MCM5: variants seen among roughly 807,000 people sequenced by gnomAD.
MCM5 encodes the protein minichromosome maintenance complex component 5, also known as DNA replication licensing factor MCM5.
MCM5 carries 46 observed loss-of-function variants against 79.9 expected under a neutral mutation model. The ratio of observed to expected loss-of-function variants is 0.58; its 90% confidence interval spans 0.45 to 0.74. The LOEUF (loss-of-function observed/expected upper bound fraction) is 0.74, where lower values mean the gene tolerates loss of function less well. Ranked by LOEUF, MCM5 falls within the 30% of genes least tolerant of loss-of-function variation. The pLI is 0.00. For synonymous variants in MCM5, 404 were observed against 390.5 expected, an observed-to-expected ratio of 1.03 and a Z score of -0.41; for missense variants, 883 against 1,017.0, an observed-to-expected ratio of 0.87 and a Z score of 1.79.
At position 35,424,350 on chromosome 22, in the gene MCM5, C is replaced by A; in HGVS notation, c.*95C>A. 2 of 885,598 alleles carry A rather than the reference C, an allele frequency of 2.3e-6. No homozygotes were observed. Among genetic ancestry groups the A allele is most frequent in the South Asian group, 1.7e-5 (1 of 58,336 alleles). The allele number at this position is 885,598 out of a possible 1,614,324, so 54.9% of individuals were successfully genotyped here. A position where few individuals can be genotyped will look rare whatever the true frequency, so the allele number is the denominator to read the frequency against. ...AATGTTGCTGGGACCTCTGCCTCCC[C>A]ACTGCAGCCCTCGAACTTCCCAGGC... is the stretch of plus-strand genomic sequence containing the variant. On this transcript the variant is annotated 3_prime_UTR_variant, in exon 17 of 17. Transcript: ENST00000216122.
chr22:35,404,235 C>G (rs1247615026), intron 4 of MCM5, among the ~76,000 whole-genome samples: 1 of 152,204 alleles, frequency 6.6e-6, no homozygotes, highest in Non-Finnish European at 1.5e-5. Flanking sequence ...AATATACAGT[C>G]TAGATTCAGA....
the MCM5 span, among the ~76,000 whole-genome samples, chr22:35,442,894 G>A: frequency 6.6e-6 from 1 of 152,226 alleles, no homozygotes; most frequent in Admixed American, 6.5e-5. Context: ...GTTTGCCATG[G>A]AAACATTGGA....
At position 35,424,216 on chromosome 22, in the gene MCM5, G is replaced by A; in HGVS notation, c.2166G>A (p.Gln722=). The change falls in exon 17 of 17, where the codon CAG becomes CAA. Residue 722 remains glutamine (Q), a synonymous_variant. Transcript: ENST00000216122. ...TCATGCTGCGGCGCGGCGAGATCCA[G>A]CATCGCATGCAGCGCAAGGTTCTCT... ...LQLMLRRGEI[Q]HRMQRKVLYR... 1 of 1,553,048 alleles carries A rather than the reference G, an allele frequency of 6.4e-7. No homozygotes were observed. Among genetic ancestry groups the A allele is most frequent in the Admixed American group, 2.0e-5 (1 of 51,210 alleles).
intron 4 of MCM5, among the ~76,000 whole-genome samples, chr22:35,405,829 G>C (rs1225912127): frequency 6.6e-6 from 1 of 151,850 alleles, no homozygotes; most frequent in African/African-American, 2.4e-5. Flanking sequence ...GGCCAACATA[G>C]TGAAACCCCG....
At chr22:35,439,659 AC>A in the MCM5 span, among the ~76,000 whole-genome samples, 1 of 151,968 alleles carries the variant, frequency 6.6e-6, no homozygotes, top group Non-Finnish European at 1.5e-5. Context: ...CACTCCTTCC[AC>A]CCCCACTCTG....
downstream of MCM5, among the ~76,000 whole-genome samples, chr22:35,429,585 A>G (rs934793012): frequency 1.3e-5 from 2 of 150,930 alleles, no homozygotes; most frequent in African/African-American, 4.9e-5. Context: ...CCCAGGCTGG[A>G]GTGCAGTGGC....
At chr22:35,447,252 T>TA in the MCM5 span, among the ~76,000 whole-genome samples, 1 of 152,040 alleles carries the variant, frequency 6.6e-6, no homozygotes, top group Non-Finnish European at 1.5e-5. Flanking sequence ...ATGGGAGTGT[T>TA]ACTCTCTGCG....
At chr22:35,443,405 T>G in the MCM5 span, among the ~76,000 whole-genome samples, 1 of 152,200 alleles carries the variant, frequency 6.6e-6, no homozygotes. Context: ...GCCAGGCTGG[T>G]CTCAAACTCC....
In MCM5 at chr22:35,416,688, C is replaced by T. The variant is rs751465449; in HGVS notation, c.1464C>T (p.Ala488=). 1.9e-6 allele frequency: 3 copies of T among 1,614,148 alleles called. No individual in the cohort carries two copies. Among genetic ancestry groups the T allele is most frequent in the South Asian group, 1.1e-5 (1 of 91,076 alleles). ...LNSRCSVLAA[A]NSVFGRWDET... is the part of the protein sequence containing the mutation. ...CCCGCTGCTCCGTCCTGGCTGCTGCCAACTCAGTGTTCGGCCGCTGGGATG... is the reference window on the plus strand; with the variant it reads ...CCCGCTGCTCCGTCCTGGCTGCTGCTAACTCAGTGTTCGGCCGCTGGGATG... The change falls in exon 12 of 17, where the codon GCC becomes GCT. Residue 488 remains alanine (A), a synonymous_variant. Coordinates refer to ENST00000216122, the MANE Select transcript of MCM5 (RefSeq NM_006739.4).
chr22:35,453,819 T>TATATATATAG, the MCM5 span, among the ~76,000 whole-genome samples: 501 of 81,474 alleles, frequency 6.1e-3, 2 homozygotes, highest in East Asian at 0.012. Flanking sequence ...TATATATATA[T>TATATATATAG]AGAGAGAGAG....
At chr22:35,429,285 C>G (rs918004428), downstream of MCM5, among the ~76,000 whole-genome samples, 2 of 51,330 alleles carry the variant, frequency 3.9e-5, no homozygotes, top group East Asian at 2.7e-4. Flanking sequence ...CGTGCCCGGC[C>G]AAATCTTTTT....
chr22:35,419,198 C>T (rs1932628590), intron 13 of MCM5, among the ~76,000 whole-genome samples: 1 of 152,202 alleles, frequency 6.6e-6, no homozygotes, highest in African/African-American at 2.4e-5. Context: ...AATCTTCCCT[C>T]TGCACTAAGT....
intron 8 of MCM5, 139 bp downstream of exon 8, chr22:35,412,820 C>T (rs1413402556): frequency 4.1e-6 from 3 of 738,016 alleles, no homozygotes; most frequent in Non-Finnish European, 5.7e-6. Flanking sequence ...CTTTGCCAGC[C>T]CCCAAGCTTG....
downstream of MCM5, chr22:35,425,512 T>C (rs1240650206): frequency 6.6e-6 from 1 of 152,202 alleles, no homozygotes; most frequent in African/African-American, 2.4e-5. Flanking sequence ...GATTCCATAC[T>C]GTTCGGGGAA....
At chr22:35,401,764 G>A (rs1412331728) in intron 2 of MCM5, 15 of 464,882 alleles carry the variant, frequency 3.2e-5, no homozygotes, top group South Asian at 1.9e-4. Flanking sequence ...GGAGTGAGTC[G>A]TGAAGACCAA....
intron 10 of MCM5, 22 bp downstream of exon 10, chr22:35,415,994 G>A (rs1330536852): frequency 6.2e-7 from 1 of 1,603,264 alleles, no homozygotes; most frequent in Admixed American, 1.7e-5. Flanking sequence ...GAGGTGGGTA[G>A]TAGCCAAAAG....
downstream of MCM5, among the ~76,000 whole-genome samples, chr22:35,430,019 A>C (rs1932802395): frequency 6.6e-6 from 1 of 152,218 alleles, no homozygotes; most frequent in Non-Finnish European, 1.5e-5. Flanking sequence ...GCATCCCAGG[A>C]GCCCCTTCAG....
the MCM5 span, among the ~76,000 whole-genome samples, chr22:35,444,401 C>G: frequency 6.6e-6 from 1 of 152,198 alleles, no homozygotes; most frequent in South Asian, 2.1e-4. Context: ...CAGGTGCTGT[C>G]TGCAGCCAGC....
intron 4 of MCM5, 50 bp downstream of exon 4, chr22:35,403,592 A>G: frequency 6.2e-7 from 1 of 1,600,434 alleles, no homozygotes; most frequent in Non-Finnish European, 8.5e-7. Flanking sequence ...CTTTGGATGC[A>G]GCCAGACCTG....
Sources: allele counts gnomAD v4.1 joint callset (sites outside exome capture counted in the v4.1 genomes callset), GRCh38; gene constraint gnomAD v4.1.1; transcripts MANE v1.5; gene names NCBI Gene and HGNC (gene_info 2026-07-23, HGNC 2026-07-21).